Variants in TUSC3 observed in about 807,000 individuals in gnomAD.
The protein encoded by TUSC3 is dolichyl-diphosphooligosaccharide--protein glycosyltransferase subunit TUSC3.
A neutral mutation model predicts 44.8 loss-of-function variants in TUSC3; 45 were observed. That is an observed-to-expected ratio of 1.00 (90% confidence interval 0.79 to 1.29). TUSC3 has a LOEUF of 1.29. Ranked by LOEUF, TUSC3 falls within the 50% of genes most tolerant of loss-of-function variation. TUSC3 has a pLI of 0.00. For synonymous variants in TUSC3, 212 were observed against 152.9 expected (o/e 1.39, Z -2.85); for missense variants, 519 against 437.9 (o/e 1.19, Z -1.65).
At chr8:15,741,544 G>A (rs1272682862) in intron 7 of TUSC3, among the ~76,000 whole-genome samples, 1 of 152,058 alleles carries the variant, frequency 6.6e-6, no homozygotes, top group Non-Finnish European at 1.5e-5. Flanking sequence ...AGTTGTCCGG[G>A]CATGGCGGTG....
chr8:15,523,027 G>C (rs4831738), intron 2 of TUSC3, among the ~76,000 whole-genome samples: 143,628 of 152,228 alleles, frequency 0.94, 67,944 homozygotes, highest in South Asian at 0.99. Context: ...CTGTAAGACT[G>C]AGAACTATAC....
At position 15,482,655 on chromosome 8, in the gene TUSC3, A is replaced by C. The variant is rs369329835; in HGVS notation, n.92-731A>C. On this transcript the variant is annotated intron_variant and non_coding_transcript_variant, in intron 1 of 5. Transcript: ENST00000503191. ...TTCTGCAGGCCATAGATCAAAGAGT[A>C]ATTTCAAAGTTCAAGTCTTACTGTG... Among the ~76,000 whole-genome samples, 5 of 152,200 alleles carry C rather than the reference A, an allele frequency of 3.3e-5. No individual in the cohort carries two copies. In the East Asian group the frequency reaches 5.8e-4, roughly 18 times the overall value.
At chr8:15,535,497 A>G (rs1380386872), upstream of TUSC3, among the ~76,000 whole-genome samples, 1 of 152,206 alleles carries the variant, frequency 6.6e-6, no homozygotes, top group Non-Finnish European at 1.5e-5. Context: ...CTACCGTCCT[A>G]GAGCTTACAT....
chr8:15,477,174 G>A (rs936308993), intron 1 of TUSC3, among the ~76,000 whole-genome samples: 6 of 152,070 alleles, frequency 3.9e-5, no homozygotes, highest in African/African-American at 1.4e-4. Flanking sequence ...AGCATGAATC[G>A]ACCTTAGGTT....
At chr8:15,555,987 T>A (rs1017747783) in intron 1 of TUSC3, among the ~76,000 whole-genome samples, 1 of 151,126 alleles carries the variant, frequency 6.6e-6, no homozygotes, top group African/African-American at 2.4e-5. Flanking sequence ...ATCAATTTTA[T>A]TTTTTATTTT....
the TUSC3 span, chr8:15,806,343 T>C: frequency 3.6e-5 from 26 of 728,284 alleles, no homozygotes; most frequent in Middle Eastern, 5.2e-4. Flanking sequence ...CTTTATGATT[T>C]CTTCTACTCT....
the TUSC3 span, among the ~76,000 whole-genome samples, chr8:15,779,414 T>G: frequency 6.6e-6 from 1 of 152,068 alleles, no homozygotes. Flanking sequence ...AAAATATCCT[T>G]TAACCATGTG....
the TUSC3 span, among the ~76,000 whole-genome samples, chr8:15,816,692 A>T: frequency 0.35 from 52,846 of 152,062 alleles, 10,276 homozygotes; most frequent in African/African-American, 0.51. Flanking sequence ...ACCTAGAACA[A>T]AAGACATTCA....
intron 1 of TUSC3, among the ~76,000 whole-genome samples, chr8:15,471,528 T>A (rs1038591507): frequency 6.6e-6 from 1 of 152,230 alleles, no homozygotes; most frequent in Non-Finnish European, 1.5e-5. Context: ...TTAACTTAAA[T>A]TTTTAGGAAG....
chr8:15,568,860 G>C (rs1474714403), intron 1 of TUSC3, among the ~76,000 whole-genome samples: 8 of 151,934 alleles, frequency 5.3e-5, no homozygotes, highest in Non-Finnish European at 8.8e-5. Context: ...TTGGTACTTG[G>C]AGATTACATT....
At chr8:15,726,081 G>A (rs1057503143) in intron 6 of TUSC3, among the ~76,000 whole-genome samples, 1 of 152,068 alleles carries the variant, frequency 6.6e-6, no homozygotes, top group East Asian at 1.9e-4. Context: ...ACTCCTCAAG[G>A]AGTATTTACC....
chr8:15,527,440 C>T (rs1279421951), intron 2 of TUSC3, among the ~76,000 whole-genome samples: 1 of 152,202 alleles, frequency 6.6e-6, no homozygotes, highest in Non-Finnish European at 1.5e-5. Context: ...TGGTCTCAAA[C>T]TCCTGACCGT....
intron 9 of TUSC3, among the ~76,000 whole-genome samples, chr8:15,749,256 A>C (rs1195028548): frequency 6.6e-6 from 1 of 152,162 alleles, no homozygotes; most frequent in Non-Finnish European, 1.5e-5. Flanking sequence ...TGATATGTTG[A>C]TAGAAAATAA....
At chr8:15,499,786 G>A (rs991292835) in intron 2 of TUSC3, among the ~76,000 whole-genome samples, 2 of 152,066 alleles carry the variant, frequency 1.3e-5, no homozygotes, top group East Asian at 1.9e-4. Context: ...CACCATTAAT[G>A]TTCTTTTTCC....
chr8:15,502,886 C>T (rs1056590691), intron 2 of TUSC3, among the ~76,000 whole-genome samples: 2 of 152,202 alleles, frequency 1.3e-5, no homozygotes, highest in Non-Finnish European at 2.9e-5. Context: ...CAGTGAGTTA[C>T]TCATTTTACT....
chr8:15,551,376 C>A (rs1046235089), intron 1 of TUSC3, among the ~76,000 whole-genome samples: 4 of 151,594 alleles, frequency 2.6e-5, no homozygotes, highest in African/African-American at 9.7e-5. Context: ...GAAGTTGACT[C>A]ATGATAACAG....
intron 2 of TUSC3, 69 bp from the exon 3 acceptor site, chr8:15,650,628 G>A: frequency 7.2e-7 from 1 of 1,385,630 alleles, no homozygotes; most frequent in East Asian, 2.3e-5. Context: ...AGGGTTGTCT[G>A]TTTTAATAAC....
intron 1 of TUSC3, among the ~76,000 whole-genome samples, chr8:15,429,065 A>G (rs917026935): frequency 1.3e-5 from 2 of 152,156 alleles, no homozygotes; most frequent in Non-Finnish European, 2.9e-5. Context: ...CCTGAATGGT[A>G]ATGCCTAGGT....
rs1327611283 is a variant in TUSC3 at position 15,523,690 on chromosome 8, G to GTATATATA, written n.189+40208_189+40209insATATATAT. Among the ~76,000 whole-genome samples the GTATATATA allele has an allele frequency of 7.3e-4, 37 of 50,972 alleles. 1 individual carries two copies. Among genetic ancestry groups the GTATATATA allele is most frequent in the African/African-American group, 2.5e-3 (32 of 12,806 alleles). The allele number at this position is 50,972 out of a possible 152,430, so 33.4% of individuals were successfully genotyped here. A position where few individuals can be genotyped will look rare whatever the true frequency, so the allele number is the denominator to read the frequency against. ...TGTGTGTGTGTGTGTGTGTGTGTGT[G>GTATATATA]TGTGTGTGTGTGTGTGTGTATATAT... On this transcript the variant is annotated intron_variant and non_coding_transcript_variant, in intron 2 of 5. Transcript: ENST00000503191.
Sources: allele counts gnomAD v4.1 joint callset (sites outside exome capture counted in the v4.1 genomes callset), GRCh38; gene constraint gnomAD v4.1.1; transcripts MANE v1.5; gene names NCBI Gene and HGNC (gene_info 2026-07-23, HGNC 2026-07-21).